Variants in GNB1 observed in about 807,000 individuals in gnomAD.
The protein encoded by GNB1 is G protein subunit beta 1, also known as guanine nucleotide-binding protein G(I)/G(S)/G(T) subunit beta-1.
GNB1 carries 2 observed loss-of-function variants against 42.9 expected under a neutral mutation model. The observed-to-expected ratio is 0.05, with a 90% CI of 0.02 to 0.15. The LOEUF (loss-of-function observed/expected upper bound fraction) is 0.15, where lower values mean the gene tolerates loss of function less well. Ranked by LOEUF, GNB1 falls within the 10% of genes least tolerant of loss-of-function variation. GNB1 has a pLI of 1.00. For missense variants in GNB1, 193 were observed against 462.2 expected, an observed-to-expected ratio of 0.42 and a Z score of 5.34; for synonymous variants, 183 against 174.7, an observed-to-expected ratio of 1.05 and a Z score of -0.38.
intron 9 of GNB1, 30 bp from the exon 10 acceptor site, chr1:1,789,299 T>A (rs752616564): frequency 8.0e-7 from 1 of 1,252,902 alleles, no homozygotes; most frequent in Non-Finnish European, 1.2e-6. Context: ...CAAGACATCA[T>A]GTAAACGCTC....
Position 1,787,665 on chromosome 1 carries a change from A to G in GNB1, c.917-228T>C, listed in dbSNP as rs1646424310. 2.0e-5 allele frequency among the ~76,000 whole-genome samples: 3 copies of G among 152,198 alleles called. No homozygotes were observed. Among genetic ancestry groups the G allele is most frequent in the Non-Finnish European group, 4.4e-5 (3 of 68,040 alleles). On this transcript the variant is annotated intron_variant, in intron 10 of 11. Transcript: ENST00000378609. This position sits in a 1 kb window ranked among gnomAD's most constrained non-coding sequence, Gnocchi z 4.4. ...GCACACACACGCAATCGATAAATCC[A>G]GAGCCCCTGGCATTGACTTCTCAGC...
At chr1:1,870,391 G>T (rs943710250) in intron 1 of GNB1, among the ~76,000 whole-genome samples, 1 of 152,208 alleles carries the variant, frequency 6.6e-6, no homozygotes, top group Admixed American at 6.6e-5. Flanking sequence ...GCCCAGGCTG[G>T]TCTAAAATTC....
chr1:1,787,508 A>T lies in GNB1; in HGVS notation c.917-71T>A. ...GATCTCACCTGTGTGCCATGTTGTG[A>T]CGAGGACGGATGGTGCATCTCTCAT... On this transcript the variant is annotated intron_variant, in intron 10 of 11. Transcript: ENST00000378609. This position sits in a 1 kb window ranked among gnomAD's most constrained non-coding sequence, Gnocchi z 4.4. 1 of 903,148 alleles carries T rather than the reference A, an allele frequency of 1.1e-6. No homozygotes were observed. The highest frequency in any genetic ancestry group is 1.4e-5 in the South Asian group (1 of 69,742). The allele number at this position is 903,148 out of a possible 1,614,324, so 55.9% of individuals were successfully genotyped here. A position where few individuals can be genotyped will look rare whatever the true frequency, so the allele number is the denominator to read the frequency against.
intron 8 of GNB1, among the ~76,000 whole-genome samples, chr1:1,791,257 C>T (rs372306262): frequency 6.6e-6 from 1 of 151,834 alleles, no homozygotes; most frequent in South Asian, 2.1e-4. Flanking sequence ...CCACAACCTC[C>T]GCCTCCCGAG....
At chr1:1,850,369 T>G (rs1272381913) in intron 1 of GNB1, among the ~76,000 whole-genome samples, 1 of 151,956 alleles carries the variant, frequency 6.6e-6, no homozygotes, top group South Asian at 2.1e-4. Context: ...CGACCTCAGG[T>G]GATCTGCCCA....
chr1:1,873,671 G>C (rs1247301177), intron 1 of GNB1, among the ~76,000 whole-genome samples: 1 of 152,188 alleles, frequency 6.6e-6, no homozygotes, highest in East Asian at 1.9e-4. Context: ...AGCACTTCGG[G>C]AGGCCGAGGT....
At chr1:1,861,798 A>C (rs1178416065) in intron 1 of GNB1, among the ~76,000 whole-genome samples, 1 of 152,178 alleles carries the variant, frequency 6.6e-6, no homozygotes, top group Non-Finnish European at 1.5e-5. Context: ...GCCCCAGGAC[A>C]CATCTCTGGG....
intron 1 of GNB1, among the ~76,000 whole-genome samples, chr1:1,880,548 T>G (rs1649787153): frequency 6.6e-6 from 1 of 151,778 alleles, no homozygotes; most frequent in African/African-American, 2.4e-5. Flanking sequence ...ATCGCGCCAC[T>G]GCACTCCAGC....
chr1:1,845,616 G>C (rs1396311867), intron 1 of GNB1, among the ~76,000 whole-genome samples: 2 of 151,738 alleles, frequency 1.3e-5, no homozygotes, highest in Non-Finnish European at 2.9e-5. Flanking sequence ...TAATAATAAT[G>C]CTTAAAATAT....
chr1:1,850,591 T>C (rs769263639), intron 1 of GNB1, among the ~76,000 whole-genome samples: 5 of 152,106 alleles, frequency 3.3e-5, no homozygotes, highest in Non-Finnish European at 5.9e-5. Flanking sequence ...AACATTTCAA[T>C]TTAACTTTTT....
At chr1:1,872,898 C>T (rs1649327275) in intron 1 of GNB1, among the ~76,000 whole-genome samples, 1 of 152,154 alleles carries the variant, frequency 6.6e-6, no homozygotes, top group Non-Finnish European at 1.5e-5. Context: ...CACTCCATCC[C>T]ACAGATACCA....
chr1:1,868,975 G>C (rs1269751763), intron 1 of GNB1, among the ~76,000 whole-genome samples: 1 of 151,308 alleles, frequency 6.6e-6, no homozygotes. Flanking sequence ...ACGAGGTCAG[G>C]AGATCAAGAC....
intron 1 of GNB1, among the ~76,000 whole-genome samples, chr1:1,866,831 G>C (rs191046051): frequency 6.6e-6 from 1 of 152,084 alleles, no homozygotes; most frequent in Admixed American, 6.6e-5. Context: ...GCAGGCGCCT[G>C]TAGTCCCAGG....
chr1:1,878,261 C>T (rs2101854135), intron 1 of GNB1, among the ~76,000 whole-genome samples: 1 of 152,344 alleles, frequency 6.6e-6, no homozygotes, highest in Admixed American at 6.5e-5. Flanking sequence ...CGCAAGTGCA[C>T]CAACTGCCAT....
chr1:1,810,107 C>T (rs1201546464), intron 5 of GNB1, among the ~76,000 whole-genome samples: 1 of 152,014 alleles, frequency 6.6e-6, no homozygotes, highest in Non-Finnish European at 1.5e-5. Context: ...GATGGAGTCT[C>T]GCTCTGTCAC....
chr1:1,817,928 C>G, intron 3 of GNB1, 53 bp from the exon 4 acceptor site: 1 of 1,323,162 alleles, frequency 7.6e-7, no homozygotes, highest in South Asian at 1.2e-5. Flanking sequence ...CATTCAATCT[C>G]AGGTCCACAC....
intron 3 of GNB1, among the ~76,000 whole-genome samples, chr1:1,823,242 GA>G (rs745874003): frequency 0.075 from 2,755 of 36,854 alleles, 25 homozygotes; most frequent in South Asian, 0.089. Flanking sequence ...ACTGTCTCCA[GA>G]AAAAAAAAAA....
intron 1 of GNB1, among the ~76,000 whole-genome samples, chr1:1,883,833 C>T (rs183816781): frequency 6.6e-6 from 1 of 152,280 alleles, no homozygotes; most frequent in East Asian, 1.9e-4. Flanking sequence ...TCAGACAGTG[C>T]CAATCCTTTT....
At chr1:1,843,964 G>A (rs1647470943) in intron 1 of GNB1, among the ~76,000 whole-genome samples, 1 of 152,086 alleles carries the variant, frequency 6.6e-6, no homozygotes, top group African/African-American at 2.4e-5. Context: ...GGGAGGCCGA[G>A]GCGGGCGGAT....
Sources: allele counts gnomAD v4.1 joint callset (sites outside exome capture counted in the v4.1 genomes callset), GRCh38; gene constraint gnomAD v4.1.1; non-coding constraint Gnocchi (gnomAD v3.1); transcripts MANE v1.5; gene names NCBI Gene and HGNC (gene_info 2026-07-23, HGNC 2026-07-21).